IL13RA1: variants seen among roughly 807,000 people sequenced by gnomAD.
IL13RA1 encodes interleukin-13 receptor subunit alpha-1.
A neutral mutation model predicts 33.8 loss-of-function variants in IL13RA1; 14 were observed. The ratio of observed to expected loss-of-function variants is 0.41; its 90% CI spans 0.27 to 0.65. The LOEUF is 0.65. IL13RA1 is among the 30% of genes least tolerant of loss of function. The pLI is 0.28. For synonymous variants in IL13RA1, 116 were observed against 115.7 expected (o/e 1.00, Z -0.02); for missense variants, 313 against 327.0 (o/e 0.96, Z 0.33).
chrX:118,770,660 A>G, intron 8 of IL13RA1: 2 of 396,407 alleles, frequency 5.0e-6, no homozygotes, highest in Non-Finnish European at 9.6e-6. Flanking sequence ...AACATCACCT[A>G]CAACTACCTG....
intron 8 of IL13RA1, chrX:118,770,786 C>T: frequency 3.1e-6 from 1 of 323,277 alleles, no homozygotes; most frequent in Non-Finnish European, 6.0e-6. Flanking sequence ...TGCATCCTTA[C>T]TGGCTTTGTC....
At position 118,786,484 on chromosome X, in the gene IL13RA1, C is replaced by T. The variant is rs183782724; in HGVS notation, c.1192-5278C>T. On this transcript the variant is annotated intron_variant, in intron 10 of 10. Transcript: ENST00000371666. ...TCCTGGGCTCAAGCAATCCTCCTGC[C>T]TTGGCCTCCCAAAGTGCTGGGATTA... Among the ~76,000 whole-genome samples the T allele has an allele frequency of 3.7e-3, 413 of 112,037 alleles. 1 individual carries two copies. Among genetic ancestry groups the T allele is most frequent in the African/African-American group, 0.013 (392 of 30,844 alleles).
Position 118,761,174 on chromosome X carries a change from TC to T in IL13RA1, c.715del (p.His239ThrfsTer24). 1 of 1,017,011 alleles carries T rather than the reference TC, an allele frequency of 9.8e-7. No homozygotes were observed. The highest frequency in any genetic ancestry group is 1.4e-6 in the Non-Finnish European group (1 of 738,560). The allele number at this position is 1,017,011 out of a possible 1,213,427, so 83.8% of individuals were successfully genotyped here. ...PDPPHIKNLS[F>X]HNDDLYVQWE... ...CCTCCACATATTAAAAACCTCTCCTTCCACAATGATGACCTATATGTGCAAT... is the reference window on the plus strand; with the variant it reads ...CCTCCACATATTAAAAACCTCTCCTTCACAATGATGACCTATATGTGCAAT... On this transcript the variant is annotated frameshift_variant, in exon 6 of 11. Transcript: ENST00000371666. LOFTEE classifies it high-confidence loss of function.
At chrX:118,762,925 A>G (rs762553599) in intron 6 of IL13RA1, among the ~76,000 whole-genome samples, 2 of 112,033 alleles carry the variant, frequency 1.8e-5, no homozygotes, top group African/African-American at 6.5e-5. Flanking sequence ...ATAGACTCCT[A>G]CAGAAAACCA....
chrX:118,773,147 A>C, intron 8 of IL13RA1, among the ~76,000 whole-genome samples: 1 of 112,451 alleles, frequency 8.9e-6, no homozygotes, highest in East Asian at 2.8e-4. Flanking sequence ...TATGTAGTTG[A>C]AAACAACATG....
intron 8 of IL13RA1, chrX:118,770,616 C>T (rs1020244658): frequency 2.0e-5 from 9 of 449,855 alleles, no homozygotes; most frequent in African/African-American, 4.8e-5. Context: ...AGGGCAACTA[C>T]TCAGCTGGGC....
At chrX:118,777,869 A>G (rs1569458740) in intron 10 of IL13RA1, among the ~76,000 whole-genome samples, 1 of 112,199 alleles carries the variant, frequency 8.9e-6, no homozygotes, top group African/African-American at 3.2e-5. Context: ...TTAAAGGAAT[A>G]ATAACAAGCA....
At chrX:118,728,061 C>T (rs998832151) in intron 1 of IL13RA1, among the ~76,000 whole-genome samples, 2 of 112,665 alleles carry the variant, frequency 1.8e-5, no homozygotes, top group African/African-American at 6.4e-5. Context: ...GGGCGGGGGG[C>T]CCGAAACATG....
chrX:118,776,997 GTATATATA>G (rs34840439), intron 10 of IL13RA1, among the ~76,000 whole-genome samples: 10 of 97,277 alleles, frequency 1.0e-4, no homozygotes, highest in African/African-American at 1.1e-4. Flanking sequence ...ATGTGTGTGT[GTATATATA>G]TATATATATA....
chrX:118,799,057 G>C (rs185555495), downstream of IL13RA1, among the ~76,000 whole-genome samples: 3 of 112,982 alleles, frequency 2.7e-5, no homozygotes, highest in Non-Finnish European at 5.6e-5. Context: ...GGAGCAGCCA[G>C]CCAGCCCTGC....
intron 10 of IL13RA1, among the ~76,000 whole-genome samples, chrX:118,778,143 A>G (rs138800897): frequency 6.2e-5 from 7 of 112,292 alleles, no homozygotes; most frequent in Admixed American, 9.5e-5. Flanking sequence ...GGTACCTTGT[A>G]AGTGCTTAAT....
intron 1 of IL13RA1, among the ~76,000 whole-genome samples, chrX:118,733,883 A>G (rs1302169838): frequency 1.8e-5 from 2 of 111,763 alleles, no homozygotes; most frequent in Admixed American, 1.9e-4. Flanking sequence ...GATTGTCTGC[A>G]TTGAGTGGTC....
chrX:118,788,039 A>T (rs1486201022), intron 10 of IL13RA1, among the ~76,000 whole-genome samples: 2 of 112,103 alleles, frequency 1.8e-5, no homozygotes, highest in Non-Finnish European at 3.8e-5. Context: ...TGGGGAAGTG[A>T]TAAATGTCTA....
intron 2 of IL13RA1, among the ~76,000 whole-genome samples, chrX:118,744,835 T>TA (rs1027051460): frequency 1.8e-5 from 2 of 112,580 alleles, no homozygotes; most frequent in African/African-American, 6.4e-5. Flanking sequence ...ATGATGATTC[T>TA]AATTTGACTG....
chrX:118,778,987 A>G (rs936618483), intron 10 of IL13RA1, among the ~76,000 whole-genome samples: 2 of 112,164 alleles, frequency 1.8e-5, no homozygotes, highest in African/African-American at 6.5e-5. Context: ...ACTAGGCTGC[A>G]TTGCCTCTTG....
At chrX:118,787,292 C>T (rs140124191) in intron 10 of IL13RA1, among the ~76,000 whole-genome samples, 1 of 111,249 alleles carries the variant, frequency 9.0e-6, no homozygotes, top group Admixed American at 9.6e-5. Context: ...CCATGATGCC[C>T]CCTAAGCCGT....
intron 1 of IL13RA1, among the ~76,000 whole-genome samples, chrX:118,731,342 C>T (rs749631949): frequency 1.8e-5 from 2 of 111,776 alleles, no homozygotes; most frequent in South Asian, 3.7e-4. Flanking sequence ...TTTGGGAGGC[C>T]GAGGTGGGTG....
At chrX:118,764,829 A>G (rs778073134) in intron 6 of IL13RA1, among the ~76,000 whole-genome samples, 75 of 111,936 alleles carry the variant, frequency 6.7e-4, no homozygotes, top group Non-Finnish European at 1.3e-3. Context: ...TTTATATCTT[A>G]TACTCTCAAC....
At chrX:118,739,913 G>A (rs2017323123) in intron 1 of IL13RA1, among the ~76,000 whole-genome samples, 1 of 112,046 alleles carries the variant, frequency 8.9e-6, no homozygotes, top group Admixed American at 9.5e-5. Context: ...TTATAGAACT[G>A]CTGAGATTTT....
Sources: allele counts gnomAD v4.1 joint callset (sites outside exome capture counted in the v4.1 genomes callset), GRCh38; gene constraint gnomAD v4.1.1; transcripts MANE v1.5; gene names NCBI Gene and HGNC (gene_info 2026-07-23, HGNC 2026-07-21).